The following MSMO1 variants were observed in gnomAD, a reference collection of about 807,000 sequenced individuals.
MSMO1 encodes C-4 methylsterol oxidase.
Under a neutral mutation model 30.4 loss-of-function variants are expected in MSMO1, and 18 were observed. The observed-to-expected ratio is 0.59, with a 90% confidence interval of 0.41 to 0.88. The LOEUF is 0.88. Among genes scored for constraint, MSMO1 ranks in the 40% least tolerant of loss-of-function variants. The pLI is 0.00. For missense variants in MSMO1, 284 were observed against 340.5 expected, an observed-to-expected ratio of 0.83 and a Z score of 1.31; for synonymous variants, 84 against 107.9, an observed-to-expected ratio of 0.78 and a Z score of 1.37.
intron 3 of MSMO1, 65 bp from the exon 4 acceptor site, chr4:165,338,587 A>G (rs549282037): frequency 1.7e-5 from 24 of 1,447,322 alleles, no homozygotes; most frequent in Non-Finnish European, 2.3e-5. Flanking sequence ...AGTGATCCCA[A>G]CTAAAAGTCT....
intron 5 of MSMO1, among the ~76,000 whole-genome samples, chr4:165,341,391 T>C (rs986405108): frequency 2.0e-5 from 3 of 152,224 alleles, no homozygotes; most frequent in Non-Finnish European, 2.9e-5. Context: ...TATTTTGGGC[T>C]TTATTTACAA....
Position 165,342,243 on chromosome 4 carries a change from C to T in MSMO1, c.*297C>T. Reference sequence around the variant, plus strand: ...GGATACTAGAAGTATTAATCTATGGCTTTTCTCCCAGTAAAACCATAGGCC... The same window carrying T: ...GGATACTAGAAGTATTAATCTATGGTTTTTCTCCCAGTAAAACCATAGGCC... On this transcript the variant is annotated 3_prime_UTR_variant, in exon 6 of 6. Coordinates refer to ENST00000261507, the MANE Select transcript of MSMO1 (RefSeq NM_006745.5). 2 of 274,918 alleles carry T rather than the reference C, an allele frequency of 7.3e-6. No homozygotes were observed. The highest frequency in any genetic ancestry group is 9.2e-5 in the South Asian group (2 of 21,724). The allele number at this position is 274,918 out of a possible 1,614,324, so 17.0% of individuals were successfully genotyped here.
At chr4:165,332,526 A>T (rs1252649786) in intron 1 of MSMO1, among the ~76,000 whole-genome samples, 1 of 152,152 alleles carries the variant, frequency 6.6e-6, no homozygotes, top group Non-Finnish European at 1.5e-5. Context: ...CAAAGGATGT[A>T]TTCATTTTGA....
chr4:165,341,144 G>A (rs890396835), intron 5 of MSMO1, among the ~76,000 whole-genome samples: 1 of 151,986 alleles, frequency 6.6e-6, no homozygotes, highest in East Asian at 1.9e-4. Context: ...ATGTCTGATT[G>A]TAGATATGTA....
At chr4:165,341,055 C>T (rs1444859826) in intron 5 of MSMO1, among the ~76,000 whole-genome samples, 2 of 151,128 alleles carry the variant, frequency 1.3e-5, no homozygotes, top group Non-Finnish European at 1.5e-5. Flanking sequence ...TTTTTCTATC[C>T]ATTGTTTCTT....
intron 5 of MSMO1, 60 bp downstream of exon 5, chr4:165,340,435 A>G (rs1747685928): frequency 2.9e-6 from 4 of 1,394,514 alleles, no homozygotes; most frequent in Non-Finnish European, 4.1e-6. Flanking sequence ...TTTCATGGCC[A>G]TAAGATTATC....
At chr4:165,335,303 A>T (rs953786975) in intron 2 of MSMO1, among the ~76,000 whole-genome samples, 1 of 152,130 alleles carries the variant, frequency 6.6e-6, no homozygotes, top group Non-Finnish European at 1.5e-5. Context: ...CTCTCTGGGG[A>T]TAATGCAGGG....
intron 3 of MSMO1, 37 bp downstream of exon 3, chr4:165,337,974 T>G: frequency 6.3e-7 from 1 of 1,592,294 alleles, no homozygotes; most frequent in Non-Finnish European, 8.6e-7. Flanking sequence ...CACCCAATTG[T>G]GGCTTATTCA....
At chr4:165,339,369 G>T (rs532881693) in intron 4 of MSMO1, among the ~76,000 whole-genome samples, 1 of 152,222 alleles carries the variant, frequency 6.6e-6, no homozygotes, top group Non-Finnish European at 1.5e-5. Context: ...CTCGCAAAGT[G>T]CTGGGATTAC....
intron 5 of MSMO1, among the ~76,000 whole-genome samples, chr4:165,341,385 T>C (rs1017287050): frequency 2.6e-5 from 4 of 152,194 alleles, no homozygotes; most frequent in African/African-American, 9.6e-5. Context: ...ATTTAGTATT[T>C]TGGGCTTTAT....
At chr4:165,337,644 G>A in intron 2 of MSMO1, 145 bp from the exon 3 acceptor site, 1 of 759,694 alleles carries the variant, frequency 1.3e-6, no homozygotes, top group Admixed American at 2.6e-5. Flanking sequence ...CAAGAATTTA[G>A]AAGGCAAAGA....
At chr4:165,337,737 T>C (rs1747598738) in intron 2 of MSMO1, 52 bp from the exon 3 acceptor site, 2 of 1,586,482 alleles carry the variant, frequency 1.3e-6, no homozygotes, top group African/African-American at 2.7e-5. Flanking sequence ...TTAGGTCAAG[T>C]TAAACTCTGA....
Position 165,342,286 on chromosome 4 carries a change from C to G in MSMO1, c.*340C>G, listed in dbSNP as rs1398895261. 1.8e-5 allele frequency: 4 copies of G among 219,998 alleles called. No homozygotes were observed. Among genetic ancestry groups the G allele is most frequent in the Admixed American group, 1.6e-4 (3 of 18,680 alleles). The allele number at this position is 219,998 out of a possible 1,614,324, so 13.6% of individuals were successfully genotyped here. A position where few individuals can be genotyped will look rare whatever the true frequency, so the allele number is the denominator to read the frequency against. On this transcript the variant is annotated 3_prime_UTR_variant, in exon 6 of 6. Transcript: ENST00000261507. ...CATAGGCCTGAAGTTCACATTGGGT[C>G]TTTAAATCTTTTAGATATATACTGG...
chr4:165,342,666 T>G lies in MSMO1; in HGVS notation c.*720T>G, dbSNP rs1175550538. 1 of 152,242 alleles carries G rather than the reference T, an allele frequency of 6.6e-6. No individual in the cohort carries two copies. The highest frequency in any genetic ancestry group is 1.9e-4 in the East Asian group (1 of 5,194). 9.4% of individuals were successfully genotyped at this position (152,242 alleles called of 1,614,324 possible). A position where few individuals can be genotyped will look rare whatever the true frequency, so the allele number is the denominator to read the frequency against. ...GCCACTGCGCCCGGCCTTTTTAACT[T>G]TAAACATGTTTTAGAATTCACCTAA... On this transcript the variant is annotated 3_prime_UTR_variant, in exon 6 of 6. Transcript: ENST00000261507.
intron 1 of MSMO1, 158 bp downstream of exon 1, chr4:165,327,922 G>A (rs1471867600): frequency 6.6e-6 from 1 of 152,514 alleles, no homozygotes; most frequent in Non-Finnish European, 1.5e-5. Context: ...GAAGGAGACT[G>A]GAGTGAAGGT....
intron 2 of MSMO1, among the ~76,000 whole-genome samples, chr4:165,334,823 G>C (rs927627716): frequency 6.6e-6 from 1 of 152,204 alleles, no homozygotes; most frequent in Non-Finnish European, 1.5e-5. Flanking sequence ...AGACCATTGA[G>C]AGTATTCATC....
At chr4:165,333,866 A>AAAG (rs1193178999) in intron 2 of MSMO1, among the ~76,000 whole-genome samples, 1 of 152,226 alleles carries the variant, frequency 6.6e-6, no homozygotes, top group African/African-American at 2.4e-5. Flanking sequence ...TGCAGGGTCC[A>AAAG]TGCCTGTAAT....
chr4:165,338,304 G>GTATA (rs749159995), intron 3 of MSMO1, among the ~76,000 whole-genome samples: 3 of 101,732 alleles, frequency 2.9e-5, no homozygotes, highest in Non-Finnish European at 5.3e-5. Flanking sequence ...AAATATGTAT[G>GTATA]TGTATATATA....
chr4:165,338,369 C>A (rs544726325), intron 3 of MSMO1, among the ~76,000 whole-genome samples: 1 of 150,520 alleles, frequency 6.6e-6, no homozygotes, highest in African/African-American at 2.4e-5. Flanking sequence ...TATACTCATG[C>A]GTCACTTAAC....
Sources: allele counts gnomAD v4.1 joint callset (sites outside exome capture counted in the v4.1 genomes callset), GRCh38; gene constraint gnomAD v4.1.1; transcripts MANE v1.5; gene names NCBI Gene and HGNC (gene_info 2026-07-23, HGNC 2026-07-21).